MALT1: variants seen among roughly 807,000 people sequenced by gnomAD.
The protein encoded by MALT1 is mucosa-associated lymphoid tissue lymphoma translocation protein 1.
Under a neutral mutation model 85.5 loss-of-function variants are expected in MALT1, and 36 were observed. That is an observed-to-expected ratio of 0.42 (90% confidence interval 0.32 to 0.56). The LOEUF is 0.56. MALT1 is among the 20% of genes least tolerant of loss of function. The pLI is 0.10. For missense variants in MALT1, 716 were observed against 981.6 expected (o/e 0.73, Z 3.62); for synonymous variants, 359 against 361.3 (o/e 0.99, Z 0.07).
rs776534946 is a variant in MALT1, at chr18:58,681,154, T to C, written c.210-16T>C. ...GGAAGAAAGCTGTTGACTTGAATTC[T>C]TTCTGTTGCTTTCAGTTGCCTAGAC... is the stretch of plus-strand genomic sequence containing the variant. On this transcript the variant is annotated splice_polypyrimidine_tract_variant and intron_variant, in intron 1 of 16. Coordinates refer to ENST00000649217, the MANE Select transcript of MALT1 (RefSeq NM_006785.4). The C allele has an allele frequency of 1.2e-6, 2 of 1,611,272 alleles. No homozygotes were observed. Among genetic ancestry groups the C allele is most frequent in the Admixed American group, 3.4e-5 (2 of 59,350 alleles).
At chr18:58,671,886 G>A (rs1316998682) in intron 1 of MALT1, 34 bp downstream of exon 1, 9 of 1,205,904 alleles carry the variant, frequency 7.5e-6, no homozygotes, top group Non-Finnish European at 9.3e-6. Context: ...CGGGCGCGCG[G>A]GTCGAGCGGG....
At position 58,746,433 on chromosome 18, in the gene MALT1, C is replaced by G. The variant is rs571265328; in HGVS notation, c.2037+642C>G. 1.9e-4 allele frequency among the ~76,000 whole-genome samples: 29 copies of G among 152,170 alleles called. No individual in the cohort carries two copies. In the East Asian group the frequency reaches 1.9e-3, roughly 10 times the overall value. ...CATTTTTTTATTTCTAGTTGACTTA[C>G]AAATGAGAAGCTAGTTCTGCACATT... On this transcript the variant is annotated intron_variant, in intron 16 of 16. Coordinates refer to ENST00000649217, the MANE Select transcript of MALT1 (RefSeq NM_006785.4).
At position 58,697,482 on chromosome 18, in the gene MALT1, A is replaced by G. The variant is rs75939833; in HGVS notation, c.498+995A>G. Among the ~76,000 whole-genome samples the G allele has an allele frequency of 1.4e-3, 218 of 152,348 alleles. 2 individuals are homozygous for G. The East Asian group carries it at 0.039, about 27-fold the overall frequency. ...GCCATTATTAGCCATGTGAATTCCTATCATCAGAGGTTGTGAGAATTAAGT... is the reference window on the plus strand; with the variant it reads ...GCCATTATTAGCCATGTGAATTCCTGTCATCAGAGGTTGTGAGAATTAAGT... On this transcript the variant is annotated intron_variant, in intron 3 of 16. Transcript: ENST00000649217.
At chr18:58,689,254 A>G (rs560198640) in intron 2 of MALT1, among the ~76,000 whole-genome samples, 2 of 98,374 alleles carry the variant, frequency 2.0e-5, no homozygotes, top group South Asian at 5.6e-4. Flanking sequence ...GCCATTTTAC[A>G]ATGTAAAAAA....
At chr18:58,675,851 C>A (rs1204880491) in intron 1 of MALT1, among the ~76,000 whole-genome samples, 2 of 152,196 alleles carry the variant, frequency 1.3e-5, no homozygotes, top group African/African-American at 2.4e-5. Context: ...TGTTTGCCAT[C>A]TTCTCTTGAA....
At chr18:58,682,022 C>T (rs900008570) in intron 2 of MALT1, among the ~76,000 whole-genome samples, 2 of 152,118 alleles carry the variant, frequency 1.3e-5, no homozygotes, top group African/African-American at 4.8e-5. Flanking sequence ...GCACTGCAGA[C>T]CTCCTTCTTT....
chr18:58,685,964 C>T (rs1039260189), intron 2 of MALT1, among the ~76,000 whole-genome samples: 1 of 151,852 alleles, frequency 6.6e-6, no homozygotes, highest in Non-Finnish European at 1.5e-5. Flanking sequence ...CCAAAGCAAC[C>T]AATATTGACA....
chr18:58,731,069 A>AGC (rs2055142169), intron 10 of MALT1, among the ~76,000 whole-genome samples: 1 of 152,064 alleles, frequency 6.6e-6, no homozygotes, highest in Non-Finnish European at 1.5e-5. Context: ...CTCCTGCCTT[A>AGC]GCCTCCCAAG....
chr18:58,706,594 ACTT>A (rs1185040083), intron 4 of MALT1, among the ~76,000 whole-genome samples: 1 of 152,054 alleles, frequency 6.6e-6, no homozygotes, highest in South Asian at 2.1e-4. Flanking sequence ...TCCTCTTAAT[ACTT>A]CTTATGGTTA....
chr18:58,733,114 T>C (rs2055175210), intron 10 of MALT1, among the ~76,000 whole-genome samples: 1 of 152,152 alleles, frequency 6.6e-6, no homozygotes, highest in Admixed American at 6.5e-5. Flanking sequence ...TTTCACCACG[T>C]TGGCCAGGCT....
At chr18:58,745,096 C>G (rs1435692844) in intron 15 of MALT1, among the ~76,000 whole-genome samples, 1 of 151,732 alleles carries the variant, frequency 6.6e-6, no homozygotes, top group Non-Finnish European at 1.5e-5. Flanking sequence ...GCACCAAACC[C>G]CAGAATTGAG....
chr18:58,744,244 A>C (rs1485113183), intron 14 of MALT1, 94 bp from the exon 15 acceptor site: 11 of 772,224 alleles, frequency 1.4e-5, no homozygotes, highest in Admixed American at 5.5e-5. Flanking sequence ...TCATGTTTTT[A>C]AGCAAAAGAA....
At chr18:58,727,616 G>GTTTTTTTTTTTTTTTTTTTTTTTTTTTTT in intron 10 of MALT1, among the ~76,000 whole-genome samples, 1 of 121,264 alleles carries the variant, frequency 8.2e-6, no homozygotes, top group Non-Finnish European at 1.7e-5. Context: ...GGTTTTTTGT[G>GTTTTTTTTTTTTTTTTTTTTTTTTTTTTT]TTTTTTTTTT....
intron 11 of MALT1, chr18:58,734,051 AT>A: frequency 6.2e-6 from 8 of 1,287,708 alleles, no homozygotes; most frequent in Admixed American, 3.3e-5. Context: ...TAGATTTACT[AT>A]TTTTTTGCTT....
intron 13 of MALT1, among the ~76,000 whole-genome samples, chr18:58,736,396 T>G (rs1568152630): frequency 1.3e-5 from 2 of 151,874 alleles, no homozygotes; most frequent in Admixed American, 6.6e-5. Flanking sequence ...TTTTCTACAT[T>G]AGGCTTCTTC....
intron 15 of MALT1, 56 bp downstream of exon 15, chr18:58,744,551 A>C (rs1373354838): frequency 3.6e-6 from 4 of 1,125,750 alleles, no homozygotes; most frequent in Non-Finnish European, 5.0e-6. Flanking sequence ...ATTAAAGACT[A>C]AATTTTTTAA....
intron 2 of MALT1, among the ~76,000 whole-genome samples, chr18:58,688,430 G>T (rs2054440298): frequency 6.9e-6 from 1 of 145,940 alleles, no homozygotes; most frequent in Non-Finnish European, 1.5e-5. Context: ...GCTCACACGT[G>T]TAATCCCAAC....
intron 2 of MALT1, among the ~76,000 whole-genome samples, chr18:58,687,149 T>C (rs969150447): frequency 6.6e-6 from 1 of 152,202 alleles, no homozygotes; most frequent in Admixed American, 6.5e-5. Context: ...GGGACTTTTC[T>C]TATTTCATGA....
chr18:58,724,414 CTTTA>C (rs964725112), intron 10 of MALT1, among the ~76,000 whole-genome samples: 7 of 152,138 alleles, frequency 4.6e-5, no homozygotes, highest in African/African-American at 1.7e-4. Flanking sequence ...GTTAATAAAA[CTTTA>C]TTTATAACTC....
Sources: gnomAD v4.1 joint callset for allele counts (sites outside exome capture counted in the v4.1 genomes callset) on GRCh38, gnomAD v4.1.1 for gene constraint, MANE v1.5 for transcripts, NCBI Gene and HGNC (gene_info 2026-07-23, HGNC 2026-07-21) for gene names.